The following FNDC3A variants were observed in gnomAD, a reference collection of about 807,000 sequenced individuals.
The protein encoded by FNDC3A is fibronectin type-III domain-containing protein 3A.
A neutral mutation model predicts 148.9 loss-of-function variants in FNDC3A; 32 were observed. That is an observed-to-expected ratio of 0.21 (90% CI 0.16 to 0.29). The LOEUF is 0.29. Ranked by LOEUF, FNDC3A falls within the 10% of genes least tolerant of loss-of-function variation. The pLI is 1.00. For synonymous variants in FNDC3A, 472 were observed against 473.6 expected (o/e 1.00, Z 0.04); for missense variants, 1,191 against 1,452.8 (o/e 0.82, Z 2.93).
chr13:49,192,705 C>T lies in FNDC3A; in HGVS notation c.2226+1321C>T, dbSNP rs532976116. Among the ~76,000 whole-genome samples, 27 of 152,212 alleles carry T rather than the reference C, an allele frequency of 1.8e-4. No individual in the cohort carries two copies. In the East Asian group the frequency reaches 2.1e-3, roughly 12 times the overall value. On this transcript the variant is annotated intron_variant, in intron 19 of 25. Coordinates refer to ENST00000492622, the MANE Select transcript of FNDC3A (RefSeq NM_001079673.2). ...TCACAAGGCTGCAGTACACTAGGAT[C>T]GCATCTTTAATACTTACGTCTTAAT...
intron 2 of FNDC3A, among the ~76,000 whole-genome samples, chr13:49,017,740 T>C (rs1010080597): frequency 3.3e-5 from 5 of 152,234 alleles, no homozygotes; most frequent in East Asian, 1.9e-4. Context: ...CAGCTGGTCC[T>C]GGTTGTTCCT....
intron 3 of FNDC3A, among the ~76,000 whole-genome samples, chr13:49,090,044 C>G (rs955305003): frequency 2.2e-4 from 33 of 152,114 alleles, no homozygotes; most frequent in African/African-American, 8.0e-4. Context: ...TCCAGGTTGG[C>G]TCACCACCAT....
At chr13:49,170,363 T>C (rs992673123) in intron 10 of FNDC3A, among the ~76,000 whole-genome samples, 11 of 152,204 alleles carry the variant, frequency 7.2e-5, no homozygotes, top group African/African-American at 2.7e-4. Flanking sequence ...AGTAGTTTAG[T>C]GACTTGAATA....
chr13:49,147,562 G>C (rs1566283328), intron 8 of FNDC3A, among the ~76,000 whole-genome samples: 1 of 151,864 alleles, frequency 6.6e-6, no homozygotes, highest in South Asian at 2.1e-4. Context: ...GAATAGGCTG[G>C]TTTGCGGCTA....
intron 13 of FNDC3A, among the ~76,000 whole-genome samples, chr13:49,175,764 C>G (rs905097836): frequency 2.0e-5 from 3 of 152,190 alleles, no homozygotes; most frequent in Non-Finnish European, 4.4e-5. Flanking sequence ...ACGAGGGCAT[C>G]CTTATCTTGT....
chr13:49,201,681 G>A (rs568039864), intron 23 of FNDC3A, 119 bp from the exon 24 acceptor site: 1 of 439,962 alleles, frequency 2.3e-6, no homozygotes, highest in Admixed American at 4.3e-5. Flanking sequence ...CAAACTTTTG[G>A]GGTAACTTAT....
At chr13:49,202,061 TC>T in intron 24 of FNDC3A, 95 bp downstream of exon 24, 1 of 771,608 alleles carries the variant, frequency 1.3e-6, no homozygotes, top group Non-Finnish European at 1.9e-6. Context: ...AAATTTAGCA[TC>T]CAGTATATGT....
intron 2 of FNDC3A, among the ~76,000 whole-genome samples, chr13:49,054,770 G>C (rs2994379): frequency 0.31 from 47,513 of 152,188 alleles, 7,534 homozygotes; most frequent in South Asian, 0.48. Context: ...CAGGTGGAAG[G>C]GCAGTTGCCT....
chr13:49,051,094 T>C (rs1191075626), intron 2 of FNDC3A, among the ~76,000 whole-genome samples: 1 of 152,216 alleles, frequency 6.6e-6, no homozygotes, highest in Non-Finnish European at 1.5e-5. Flanking sequence ...TAAATTCTTA[T>C]CTATTCTGCC....
At chr13:49,038,939 T>TA (rs1161046239) in intron 2 of FNDC3A, among the ~76,000 whole-genome samples, 5 of 152,126 alleles carry the variant, frequency 3.3e-5, no homozygotes, top group South Asian at 2.1e-4. Flanking sequence ...AGGGGAAAAA[T>TA]ACAGATTCTT....
At chr13:49,084,548 A>G (rs1878681286) in intron 3 of FNDC3A, among the ~76,000 whole-genome samples, 1 of 152,162 alleles carries the variant, frequency 6.6e-6, no homozygotes, top group African/African-American at 2.4e-5. Context: ...ATTTGACCAA[A>G]AATTCTGGGT....
At chr13:49,158,205 G>T (rs924345019) in intron 8 of FNDC3A, among the ~76,000 whole-genome samples, 1 of 152,236 alleles carries the variant, frequency 6.6e-6, no homozygotes, top group African/African-American at 2.4e-5. Flanking sequence ...CGAGCCAGGT[G>T]CAGGATATAA....
chr13:48,975,839 T>C (rs1044981228), upstream of FNDC3A: 15 of 151,454 alleles, frequency 9.9e-5, no homozygotes, highest in African/African-American at 2.4e-4. Flanking sequence ...AGGCGGGGGT[T>C]CGGGGTCCCG....
intron 3 of FNDC3A, 103 bp from the exon 4 acceptor site, chr13:49,114,552 C>T: frequency 2.7e-6 from 2 of 730,204 alleles, no homozygotes; most frequent in South Asian, 3.3e-5. Context: ...TTACTGTTGG[C>T]TTGAGTGTTT....
chr13:49,005,143 A>T (rs887110069), intron 1 of FNDC3A, among the ~76,000 whole-genome samples: 6 of 151,900 alleles, frequency 3.9e-5, no homozygotes, highest in Non-Finnish European at 5.9e-5. Flanking sequence ...AATTTTTAAA[A>T]CATCATAGTA....
intron 2 of FNDC3A, among the ~76,000 whole-genome samples, chr13:49,070,653 ATTCT>A (rs1877594141): frequency 6.6e-6 from 1 of 152,134 alleles, no homozygotes; most frequent in Non-Finnish European, 1.5e-5. Context: ...ACTAGAACGT[ATTCT>A]TTCTAACTGT....
chr13:49,162,483 C>T (rs940240717), intron 8 of FNDC3A, among the ~76,000 whole-genome samples: 3 of 152,140 alleles, frequency 2.0e-5, no homozygotes, highest in African/African-American at 7.2e-5. Context: ...CTTCTCTATG[C>T]TGTATATTCT....
intron 3 of FNDC3A, among the ~76,000 whole-genome samples, chr13:49,093,327 A>G (rs1031002236): frequency 3.9e-5 from 6 of 152,192 alleles, no homozygotes; most frequent in African/African-American, 1.4e-4. Context: ...GTCATTTCTA[A>G]TTGCACAGAT....
intron 1 of FNDC3A, among the ~76,000 whole-genome samples, chr13:49,000,478 G>A (rs1952105905): frequency 6.6e-6 from 1 of 152,068 alleles, no homozygotes; most frequent in South Asian, 2.1e-4. Flanking sequence ...TTTGATTCCT[G>A]TGGCTTTGTA....
Sources: allele counts gnomAD v4.1 joint callset (sites outside exome capture counted in the v4.1 genomes callset), GRCh38; gene constraint gnomAD v4.1.1; transcripts MANE v1.5; gene names NCBI Gene and HGNC (gene_info 2026-07-23, HGNC 2026-07-21).